The following CIITA variants were observed in gnomAD, a reference collection of about 807,000 sequenced individuals.
CIITA encodes the protein MHC class II transactivator.
A neutral mutation model predicts 115.1 loss-of-function variants in CIITA; 72 were observed. The observed-to-expected ratio is 0.63, with a 90% CI of 0.52 to 0.76. The LOEUF is 0.76. Ranked by LOEUF, CIITA falls within the 30% of genes least tolerant of loss-of-function variation. CIITA has a pLI of 0.00. For missense variants in CIITA, 1,617 were observed against 1,463.8 expected (o/e 1.10, Z -1.71); for synonymous variants, 763 against 635.6 (o/e 1.20, Z -3.02).
intron 14 of CIITA, among the ~76,000 whole-genome samples, chr16:10,915,864 C>T (rs888473585): frequency 6.6e-6 from 1 of 152,222 alleles, no homozygotes; most frequent in Non-Finnish European, 1.5e-5. Flanking sequence ...AAGAAAAGCC[C>T]TCACTTTGTC....
chr16:10,875,788 A>G (rs1481638100), upstream of CIITA, among the ~76,000 whole-genome samples: 1 of 152,068 alleles, frequency 6.6e-6, no homozygotes, highest in East Asian at 1.9e-4. Flanking sequence ...CTCCCACTTC[A>G]GCCTCCAGAG....
intron 3 of CIITA, among the ~76,000 whole-genome samples, chr16:10,897,679 C>A (rs1279744839): frequency 1.3e-5 from 2 of 152,176 alleles, no homozygotes; most frequent in East Asian, 3.8e-4. Context: ...CACCCACCAT[C>A]ACGGGATGGT....
Position 10,920,637 on chromosome 16 carries a change from A to G in CIITA, c.3150-1530A>G, listed in dbSNP as rs961037083. On this transcript the variant is annotated intron_variant, in intron 16 of 19. Transcript: ENST00000324288. The surrounding 1 kb of genome is among the most constrained non-coding windows in gnomAD (Gnocchi z 4.5). ...ATATGAGGCCAAAATGCAAACTGTGACACGCTATTGGTTATAAGACACATC... is the reference window on the plus strand; with the variant it reads ...ATATGAGGCCAAAATGCAAACTGTGGCACGCTATTGGTTATAAGACACATC... Among the ~76,000 whole-genome samples the G allele has an allele frequency of 1.2e-4, 19 of 152,222 alleles. No individual in the cohort carries two copies. The highest frequency in any genetic ancestry group is 4.1e-4 in the African/African-American group (17 of 41,456).
chr16:10,921,277 G>A (rs1043401158), intron 16 of CIITA, among the ~76,000 whole-genome samples: 8 of 152,170 alleles, frequency 5.3e-5, no homozygotes, highest in Non-Finnish European at 1.0e-4. Flanking sequence ...GCTTGGTGTC[G>A]AGTAAACAGC....
intron 11 of CIITA, chr16:10,908,667 G>T: frequency 2.0e-6 from 1 of 490,346 alleles, no homozygotes; most frequent in Non-Finnish European, 3.7e-6. Context: ...TCCTTAATTT[G>T]GTTTCATTAA....
intron 1 of CIITA, among the ~76,000 whole-genome samples, chr16:10,892,181 A>C (rs2037659739): frequency 6.6e-6 from 1 of 152,040 alleles, no homozygotes; most frequent in South Asian, 2.1e-4. Flanking sequence ...AAAATTAGCC[A>C]GGCATGGTGG....
At position 10,918,957 on chromosome 16, in the gene CIITA, C is replaced by A. The variant is rs138473034; in HGVS notation, c.3149+431C>A. Reference sequence around the variant, plus strand: ...CCTTCTGGTAGGCCTTGGCATAGCACCTCTTGCTTTTGAGTGACTTCCATC... The same window carrying A: ...CCTTCTGGTAGGCCTTGGCATAGCAACTCTTGCTTTTGAGTGACTTCCATC... On this transcript the variant is annotated intron_variant, in intron 16 of 19. Coordinates refer to ENST00000324288, the MANE Select transcript of CIITA (RefSeq NM_000246.4). Among the ~76,000 whole-genome samples the A allele has an allele frequency of 4.1e-3, 618 of 152,170 alleles. 4 individuals are homozygous for A. The highest frequency in any genetic ancestry group is 0.014 in the African/African-American group (593 of 41,512).
rs1256846733 is a variant in CIITA at position 10,915,646 on chromosome 16, C to T, written c.2965C>T (p.Leu989=). The T allele has an allele frequency of 6.2e-7, 1 of 1,613,552 alleles. No individual in the cohort carries two copies. Among genetic ancestry groups the T allele is most frequent in the African/African-American group, 1.3e-5 (1 of 74,894 alleles). The change falls in exon 14 of 20, where the codon CTG becomes TTG. Residue 989 remains leucine, a synonymous_variant. Transcript: ENST00000324288. ...CACGGCCTTTTCCTCCCTGCAGCATCTGGAGTGAGTATAGACTCTGGGACC... is the reference window on the plus strand; with the variant it reads ...CACGGCCTTTTCCTCCCTGCAGCATTTGGAGTGAGTATAGACTCTGGGACC... ...ILTAFSSLQH[L]DLDALSENKI... is the part of the protein sequence containing the mutation.
At chr16:10,911,032 C>CG (rs1555506146) in intron 13 of CIITA, among the ~76,000 whole-genome samples, 1 of 151,902 alleles carries the variant, frequency 6.6e-6, no homozygotes, top group Admixed American at 6.6e-5. Flanking sequence ...GGCTGGGGGC[C>CG]ACACCCTAGG....
chr16:10,902,856 T>A (rs1461537145), intron 8 of CIITA, 55 bp downstream of exon 8: 6 of 1,603,708 alleles, frequency 3.7e-6, no homozygotes, highest in Non-Finnish European at 5.1e-6. Flanking sequence ...GACTGCTCCC[T>A]GACCTCATCC....
At chr16:10,877,493 C>T (rs1046039166) in intron 1 of CIITA, 111 bp downstream of exon 1, 2 of 1,128,462 alleles carry the variant, frequency 1.8e-6, no homozygotes, top group Non-Finnish European at 2.6e-6. Flanking sequence ...AGGATGGGAA[C>T]AGGAGTCTGT....
intron 10 of CIITA, among the ~76,000 whole-genome samples, chr16:10,905,364 C>G (rs939858109): frequency 6.6e-6 from 1 of 152,168 alleles, no homozygotes; most frequent in East Asian, 1.9e-4. Flanking sequence ...AACCCAGACA[C>G]GTGGGCTCCA....
At chr16:10,892,799 G>A (rs1214940324) in intron 1 of CIITA, among the ~76,000 whole-genome samples, 3 of 152,138 alleles carry the variant, frequency 2.0e-5, no homozygotes, top group Admixed American at 6.6e-5. Context: ...TGGTCATGGT[G>A]GTGAGCACCT....
chr16:10,896,778 T>G (rs1251399553), intron 3 of CIITA, among the ~76,000 whole-genome samples: 1 of 152,210 alleles, frequency 6.6e-6, no homozygotes, highest in Non-Finnish European at 1.5e-5. Flanking sequence ...ACAGCAGCAT[T>G]CAGCAGTTCT....
At position 10,907,433 on chromosome 16, in the gene CIITA, T is replaced by C. The variant is rs1284394353; in HGVS notation, c.1941T>C (p.Arg647=). Residue 647 remains arginine (R), a synonymous_variant, in exon 11 of 20, where the codon CGT becomes CGC. Transcript: ENST00000324288. This position sits in a 1 kb window ranked among gnomAD's most constrained non-coding sequence, Gnocchi z 5.0. ...LTGLYVGLLG[R]AALDSPPGAL... is the part of the protein sequence containing the mutation. The stretch of plus-strand genomic sequence containing the variant: ...GACTCTATGTCGGCCTGCTGGGCCG[T>C]GCAGCCCTCGACAGCCCCCCCGGGG... The C allele has an allele frequency of 6.2e-7, 1 of 1,612,904 alleles. No homozygotes were observed. The highest frequency in any genetic ancestry group is 8.5e-7 in the Non-Finnish European group (1 of 1,179,790).
rs749939330 is a variant in CIITA at position 10,907,571 on chromosome 16, C to A, written c.2079C>A (p.Gly693=). ...TGAGGACCTGGGCGATGGCCAAAGGCTTAGTCCAACACCCACCGCGGGCCG... is the reference window on the plus strand; with the variant it reads ...TGAGGACCTGGGCGATGGCCAAAGGATTAGTCCAACACCCACCGCGGGCCG... ...ADVRTWAMAK[G]LVQHPPRAAE... Residue 693 remains glycine, a synonymous_variant, in exon 11 of 20, where the codon GGC becomes GGA. Transcript: ENST00000324288. The surrounding 1 kb of genome is among the most constrained non-coding windows in gnomAD (Gnocchi z 5.0). The A allele has an allele frequency of 6.2e-7, 1 of 1,614,200 alleles. No individual in the cohort carries two copies. The highest frequency in any genetic ancestry group is 8.5e-7 in the Non-Finnish European group (1 of 1,180,042).
rs1244948329 is a variant in CIITA at position 10,895,670 on chromosome 16, A to T, written c.201A>T (p.Glu67Asp). 6.2e-7 allele frequency: 1 copy of T among 1,613,934 alleles called. No individual in the cohort carries two copies. The highest frequency in any genetic ancestry group is 8.5e-7 in the Non-Finnish European group (1 of 1,179,962). ...CATCCAAGGGACTTTTCCTCCCAGA[A>T]CCCGACACAGACACCATCAACTGCG... ...AGEEEIELYS[E>D]PDTDTINCDQ... The change falls in exon 3 of 20, where the codon GAA becomes GAT. Residue 67 changes from glutamate to aspartate, a missense_variant and splice_region_variant. Coordinates refer to ENST00000324288, the MANE Select transcript of CIITA (RefSeq NM_000246.4).
intron 1 of CIITA, among the ~76,000 whole-genome samples, chr16:10,892,080 T>C (rs894260485): frequency 6.6e-6 from 1 of 152,108 alleles, no homozygotes; most frequent in Non-Finnish European, 1.5e-5. Flanking sequence ...TCCCAGCACT[T>C]TGGGAGGCCA....
At chr16:10,883,937 C>G (rs1275421819) in intron 1 of CIITA, among the ~76,000 whole-genome samples, 2 of 152,208 alleles carry the variant, frequency 1.3e-5, no homozygotes, top group African/African-American at 4.8e-5. Flanking sequence ...TAGCCTCCCC[C>G]ATGATGAACA....
Sources: gnomAD v4.1 joint callset for allele counts (sites outside exome capture counted in the v4.1 genomes callset) on GRCh38, gnomAD v4.1.1 for gene constraint, Gnocchi (gnomAD v3.1) non-coding constraint, MANE v1.5 for transcripts, NCBI Gene and HGNC (gene_info 2026-07-23, HGNC 2026-07-21) for gene names.